The following MGAT1 variants were observed in gnomAD, a reference collection of about 807,000 sequenced individuals.
MGAT1 encodes the protein N-glycosyl-oligosaccharide-glycoprotein N-acetylglucosaminyltransferase I.
MGAT1 carries 14 observed loss-of-function variants against 31.7 expected under a neutral mutation model. That is an observed-to-expected ratio of 0.44 (90% CI 0.29 to 0.69). The LOEUF (loss-of-function observed/expected upper bound fraction) is 0.69. MGAT1 is among the 30% of genes least tolerant of loss of function. The probability of loss-of-function intolerance (pLI) is 0.12; values close to 1 mark genes in which losing one functional copy is unlikely to be tolerated. For synonymous variants in MGAT1, 338 were observed against 276.0 expected (o/e 1.22, Z -2.23); for missense variants, 557 against 626.0 (o/e 0.89, Z 1.18).
intron 1 of MGAT1, among the ~76,000 whole-genome samples, chr5:180,799,258 A>T (rs1376363307): frequency 6.6e-6 from 1 of 151,534 alleles, no homozygotes; most frequent in Non-Finnish European, 1.5e-5. Context: ...CCAACCACTA[A>T]CCCCATGGAC....
Position 180,792,987 on chromosome 5 carries a change from G to A in MGAT1, c.-16C>T. On this transcript the variant is annotated 5_prime_UTR_variant, in exon 2 of 2. Transcript: ENST00000307826. Reference sequence around the variant, plus strand: ...TCTTCAGCATCCTGGCCCCCACCGGGGAGGGCAGGCCAGGGGACGGTTCAA... The same window carrying A: ...TCTTCAGCATCCTGGCCCCCACCGGAGAGGGCAGGCCAGGGGACGGTTCAA... 5.0e-6 allele frequency: 8 copies of A among 1,612,570 alleles called. No homozygotes were observed. Among genetic ancestry groups the A allele is most frequent in the Non-Finnish European group, 6.8e-6 (8 of 1,179,762 alleles).
upstream of MGAT1, among the ~76,000 whole-genome samples, chr5:180,806,384 T>C (rs1340791207): frequency 6.6e-6 from 1 of 152,130 alleles, no homozygotes; most frequent in Non-Finnish European, 1.5e-5. Context: ...CTGGTGCCCA[T>C]GTGAAAAAGC....
upstream of MGAT1, among the ~76,000 whole-genome samples, chr5:180,805,804 C>G (rs2113541299): frequency 6.6e-6 from 1 of 152,126 alleles, no homozygotes; most frequent in Middle Eastern, 3.4e-3. Flanking sequence ...TCCCTTCTCC[C>G]TGCCTCCTAA....
At chr5:180,797,832 A>C (rs1182194283) in intron 1 of MGAT1, among the ~76,000 whole-genome samples, 3 of 152,130 alleles carry the variant, frequency 2.0e-5, no homozygotes, top group South Asian at 2.1e-4. Flanking sequence ...CCCTAGTTCC[A>C]GCCCACCTCC....
intron 1 of MGAT1, among the ~76,000 whole-genome samples, chr5:180,798,523 C>T (rs1769993714): frequency 1.3e-5 from 2 of 152,226 alleles, no homozygotes; most frequent in South Asian, 4.1e-4. Flanking sequence ...GGGATTGGCT[C>T]CACCAGCACT....
At chr5:180,811,147 C>T (rs1362681441) in intron 1 of MGAT1, 1 of 152,246 alleles carries the variant, frequency 6.6e-6, no homozygotes, top group Admixed American at 6.5e-5. Flanking sequence ...TCTTGCCGGA[C>T]TGGGGATGGA....
At position 180,791,048 on chromosome 5, in the gene MGAT1, G is replaced by A. The variant is rs1276975028; in HGVS notation, c.*586C>T. 1 of 153,932 alleles carries A rather than the reference G, an allele frequency of 6.5e-6. No individual in the cohort carries two copies. Among genetic ancestry groups the A allele is most frequent in the South Asian group, 2.0e-4 (1 of 4,892 alleles). 9.5% of individuals were successfully genotyped at this position (153,932 alleles called of 1,614,324 possible). A position where few individuals can be genotyped will look rare whatever the true frequency, so the allele number is the denominator to read the frequency against. On this transcript the variant is annotated 3_prime_UTR_variant, in exon 2 of 2. Coordinates refer to ENST00000307826, the MANE Select transcript of MGAT1 (RefSeq NM_002406.4). ...ACTTTCCATCTCAGAACTATAAACT[G>A]CTAGGCTGCAAGGAGAGAAGGGCTA...
intron 1 of MGAT1, chr5:180,810,522 G>A (rs1051400384): frequency 1.3e-5 from 2 of 152,734 alleles, no homozygotes; most frequent in African/African-American, 2.4e-5. Context: ...GTCGCGGGGG[G>A]GTTGGCCCTT....
rs137855157 is a variant in MGAT1, at chr5:180,792,583, G to A, written c.389C>T (p.Pro130Leu). The stretch of plus-strand genomic sequence containing the variant: ...GATGATGGGGAAGAGCTCAGCCGAG[G>A]GCCGATAATGCAGCAGCTTGTCCAG... ...RCLDKLLHYRPSAELFPIIVS... is the reference protein window; with the variant it reads ...RCLDKLLHYRLSAELFPIIVS... Residue 130 changes from proline (P) to leucine (L), a missense_variant, in exon 2 of 2, where the codon CCC (proline) becomes CTC (leucine). Physicochemically the swap from Pro to Leu is moderately conservative, Grantham distance 98. Coordinates refer to ENST00000307826, the MANE Select transcript of MGAT1 (RefSeq NM_002406.4). 1 of 1,611,962 alleles carries A rather than the reference G, an allele frequency of 6.2e-7. No homozygotes were observed. The highest frequency in any genetic ancestry group is 8.5e-7 in the Non-Finnish European group (1 of 1,179,324).
At chr5:180,798,911 T>C (rs1056377137) in intron 1 of MGAT1, among the ~76,000 whole-genome samples, 19 of 152,300 alleles carry the variant, frequency 1.2e-4, no homozygotes, top group African/African-American at 3.8e-4. Flanking sequence ...ACTATGAAAA[T>C]GGAAGTACAA....
rs999977750 is a variant in MGAT1, at chr5:180,787,886, G to A, written c.*3748C>T. 58 of 152,400 alleles carry A rather than the reference G, an allele frequency of 3.8e-4. No homozygotes were observed. The highest frequency in any genetic ancestry group is 1.2e-3 in the African/African-American group (49 of 41,452). The allele number at this position is 152,400 out of a possible 1,614,324, so 9.4% of individuals were successfully genotyped here. ...AAATGAGATCCCACCAGTGACCCAG[G>A]TAAGAGGATTGCAAAGGCCAAGAGG... is the stretch of plus-strand genomic sequence containing the variant. On this transcript the variant is annotated 3_prime_UTR_variant, in exon 2 of 2. Coordinates refer to ENST00000307826, the MANE Select transcript of MGAT1 (RefSeq NM_002406.4).
rs1767536127 is a variant in MGAT1 at position 180,785,913 on chromosome 5, G to C, written c.*5721C>G. The stretch of plus-strand genomic sequence containing the variant: ...TGCTGAGACGTTTTTGGCTGGGGCA[G>C]GGCTGCTGCACTGAGGGTGCATCCC... On this transcript the variant is annotated 3_prime_UTR_variant, in exon 2 of 2. Transcript: ENST00000307826. 1 of 152,304 alleles carries C rather than the reference G, an allele frequency of 6.6e-6. No homozygotes were observed. The highest frequency in any genetic ancestry group is 2.4e-5 in the African/African-American group (1 of 41,474). 9.4% of individuals were successfully genotyped at this position (152,304 alleles called of 1,614,324 possible).
chr5:180,789,892 AGT>A lies in MGAT1; in HGVS notation c.*1740_*1741del, dbSNP rs1767840488. ...TGATCCGTCCGCCTCAGCCTCCCAA[AGT>A]GCTGGGATTACATGTGTAAGCCACT... On this transcript the variant is annotated 3_prime_UTR_variant, in exon 2 of 2. Coordinates refer to ENST00000307826, the MANE Select transcript of MGAT1 (RefSeq NM_002406.4). 1 of 151,170 alleles carries A rather than the reference AGT, an allele frequency of 6.6e-6. No individual in the cohort carries two copies. Among genetic ancestry groups the A allele is most frequent in the Non-Finnish European group, 1.5e-5 (1 of 67,744 alleles). 9.4% of individuals were successfully genotyped at this position (151,170 alleles called of 1,614,324 possible).
intron 1 of MGAT1, 104 bp from the exon 2 acceptor site, chr5:180,793,201 AG>A: frequency 1.7e-6 from 1 of 589,276 alleles, no homozygotes; most frequent in East Asian, 2.9e-5. Flanking sequence ...GTGAGGGTGG[AG>A]GAAGGCCAGG....
rs1340150135 is a variant in MGAT1 at position 180,792,661 on chromosome 5, G to A, written c.311C>T (p.Ala104Val). Reference sequence around the variant, plus strand: ...GGCGATGACCAGGATGGGAATCACCGCCGGCGCGGGGGTCACAGGCACACG... The same window carrying A: ...GGCGATGACCAGGATGGGAATCACCACCGGCGCGGGGGTCACAGGCACACG... ...QPRVPVTPAP[A>V]VIPILVIACD... The change falls in exon 2 of 2, where the codon GCG becomes GTG. Residue 104 changes from alanine to valine, a missense_variant. Physicochemically the swap from Ala to Val is moderately conservative, Grantham distance 64 (BLOSUM62 0). This residue lies in a region of MGAT1 where 167 missense variants were observed against 149.8 expected (regional missense o/e 1.11). Coordinates refer to ENST00000307826, the MANE Select transcript of MGAT1 (RefSeq NM_002406.4). 1.5e-5 allele frequency: 23 copies of A among 1,577,602 alleles called. No homozygotes were observed. Among genetic ancestry groups the A allele is most frequent in the East Asian group, 6.8e-5 (3 of 44,276 alleles).
intron 1 of MGAT1, among the ~76,000 whole-genome samples, chr5:180,799,611 T>C (rs143578565): frequency 3.3e-5 from 5 of 152,218 alleles, no homozygotes; most frequent in Non-Finnish European, 7.3e-5. Context: ...AGTGGCTGGA[T>C]GGAAGACTGC....
At chr5:180,808,311 C>G (rs1772124634) in intron 2 of MGAT1, among the ~76,000 whole-genome samples, 1 of 152,182 alleles carries the variant, frequency 6.6e-6, no homozygotes, top group African/African-American at 2.4e-5. Flanking sequence ...AGTCTTAACC[C>G]AGACTGACTT....
At chr5:180,806,122 C>A (rs1020696417), upstream of MGAT1, among the ~76,000 whole-genome samples, 15 of 152,066 alleles carry the variant, frequency 9.9e-5, no homozygotes, top group African/African-American at 3.4e-4. Flanking sequence ...CTCATCTCTA[C>A]TAAAATACAA....
At chr5:180,814,898 G>A (rs1282978922) in intron 1 of MGAT1, among the ~76,000 whole-genome samples, 4 of 149,920 alleles carry the variant, frequency 2.7e-5, no homozygotes, top group South Asian at 2.1e-4. Flanking sequence ...CTGAGATCGC[G>A]CCACTGCACT....
Sources: gnomAD v4.1 joint callset for allele counts (sites outside exome capture counted in the v4.1 genomes callset) on GRCh38, gnomAD v4.1.1 for gene constraint, gnomAD v4.1.1 regional missense constraint, MANE v1.5 for transcripts, NCBI Gene and HGNC (gene_info 2026-07-23, HGNC 2026-07-21) for gene names.